ADAM12: variants seen among roughly 807,000 people sequenced by gnomAD.
ADAM12 encodes the protein ADAM metallopeptidase domain 12.
A neutral mutation model predicts 106.4 loss-of-function variants in ADAM12; 70 were observed. That is an observed-to-expected ratio of 0.66 (90% CI 0.54 to 0.80). ADAM12 has a LOEUF of 0.80. Among genes scored for constraint, ADAM12 ranks in the 30% least tolerant of loss-of-function variants. The pLI is 0.00. For missense variants in ADAM12, 1,010 were observed against 1,171.9 expected (o/e 0.86, Z 2.02); for synonymous variants, 420 against 433.5 (o/e 0.97, Z 0.39).
At chr10:126,134,284 G>C (rs886900278) in intron 5 of ADAM12, among the ~76,000 whole-genome samples, 1 of 152,196 alleles carries the variant, frequency 6.6e-6, no homozygotes, top group Admixed American at 6.5e-5. Context: ...TCAATGATTT[G>C]GGTCTGTGTC....
intron 3 of ADAM12, among the ~76,000 whole-genome samples, chr10:126,208,214 A>AT (rs1408250194): frequency 6.6e-6 from 1 of 152,184 alleles, no homozygotes; most frequent in East Asian, 1.9e-4. Context: ...GCGTAGGGTG[A>AT]TTTTGTGCCC....
At chr10:126,356,005 C>T (rs760736677) in intron 1 of ADAM12, among the ~76,000 whole-genome samples, 6 of 152,090 alleles carry the variant, frequency 3.9e-5, no homozygotes, top group African/African-American at 7.2e-5. Flanking sequence ...GAGCTCCCCA[C>T]GACTACACAT....
At chr10:126,273,265 T>C (rs1959189624) in intron 3 of ADAM12, 1 of 153,370 alleles carries the variant, frequency 6.5e-6, no homozygotes, top group South Asian at 2.1e-4. Context: ...AAACTCTGTC[T>C]GCCATTTGGT....
intron 3 of ADAM12, among the ~76,000 whole-genome samples, chr10:126,199,488 T>C (rs1303347545): frequency 6.6e-6 from 1 of 152,174 alleles, no homozygotes; most frequent in Non-Finnish European, 1.5e-5. Flanking sequence ...CTCCAGCTAA[T>C]GCGTTGGGAT....
intron 7 of ADAM12, 62 bp from the exon 8 acceptor site, chr10:126,108,726 T>C: frequency 6.9e-7 from 1 of 1,455,274 alleles, no homozygotes; most frequent in Non-Finnish European, 9.6e-7. Context: ...TTCATCTTCC[T>C]GGCTTCTGGA....
rs1953642036 is a variant in ADAM12 at position 126,015,209 on chromosome 10, CT to C, written c.*2069del. The C allele has an allele frequency of 6.6e-6, 1 of 152,166 alleles. No homozygotes were observed. The highest frequency in any genetic ancestry group is 2.4e-5 in the African/African-American group (1 of 41,436). The allele number at this position is 152,166 out of a possible 1,614,324, so 9.4% of individuals were successfully genotyped here. A position where few individuals can be genotyped will look rare whatever the true frequency, so the allele number is the denominator to read the frequency against. On this transcript the variant is annotated 3_prime_UTR_variant, in exon 23 of 23. Coordinates refer to ENST00000448723, the MANE Select transcript of ADAM12 (RefSeq NM_001288973.2). ...TAACCTCCTTTAATATCAAACTCTCCTGGCTCTCTGAAATAGAAGCATAGGA... is the reference window on the plus strand; with the variant it reads ...TAACCTCCTTTAATATCAAACTCTCCGGCTCTCTGAAATAGAAGCATAGGA...
chr10:126,306,897 A>G (rs1203500091), intron 2 of ADAM12, among the ~76,000 whole-genome samples: 1 of 152,192 alleles, frequency 6.6e-6, no homozygotes, highest in Non-Finnish European at 1.5e-5. Flanking sequence ...ATAATTAACT[A>G]TTAGTCATAA....
At position 126,388,402 on chromosome 10, in the gene ADAM12, C is replaced by G. The variant is rs540548555; in HGVS notation, c.-257G>C. 1 of 345,992 alleles carries G rather than the reference C, an allele frequency of 2.9e-6. No homozygotes were observed. Among genetic ancestry groups the G allele is most frequent in the East Asian group, 5.1e-5 (1 of 19,432 alleles). The allele number at this position is 345,992 out of a possible 1,614,324, so 21.4% of individuals were successfully genotyped here. A position where few individuals can be genotyped will look rare whatever the true frequency, so the allele number is the denominator to read the frequency against. On this transcript the variant is annotated 5_prime_UTR_variant, in exon 1 of 23. Transcript: ENST00000448723. The surrounding 1 kb of genome is among the most constrained non-coding windows in gnomAD (Gnocchi z 4.4). The stretch of plus-strand genomic sequence containing the variant: ...TGGCACAAGCCAGCCTTGACCGTTG[C>G]AATAAATGAGCAAACTGTCCGAGTT...
At chr10:126,153,926 T>G (rs1358953219) in intron 4 of ADAM12, among the ~76,000 whole-genome samples, 1 of 152,238 alleles carries the variant, frequency 6.6e-6, no homozygotes, top group Middle Eastern at 3.2e-3. Context: ...TGAGACTAAC[T>G]GGGGTTTCAA....
Position 126,324,721 on chromosome 10 carries a change from G to A in ADAM12, c.186+5691C>T, listed in dbSNP as rs117047234. On this transcript the variant is annotated intron_variant, in intron 2 of 22. Coordinates refer to ENST00000448723, the MANE Select transcript of ADAM12 (RefSeq NM_001288973.2). ...GGAAGATGACAACCTTATCTTCTAG[G>A]GACAATTAAATTAAGTGGGAGGCAG... is the stretch of plus-strand genomic sequence containing the variant. Among the ~76,000 whole-genome samples the A allele has an allele frequency of 9.6e-3, 1,466 of 152,134 alleles. 10 individuals are homozygous for A. The highest frequency in any genetic ancestry group is 0.016 in the Non-Finnish European group (1,066 of 68,002).
At chr10:126,221,322 G>A (rs1005266327) in intron 3 of ADAM12, among the ~76,000 whole-genome samples, 3 of 151,174 alleles carry the variant, frequency 2.0e-5, no homozygotes, top group Non-Finnish European at 4.4e-5. Flanking sequence ...AGGTGGAGGC[G>A]GAGGTTGCAG....
intron 4 of ADAM12, among the ~76,000 whole-genome samples, chr10:126,151,067 G>A (rs1676717): frequency 0.44 from 66,855 of 151,890 alleles, 15,308 homozygotes; most frequent in East Asian, 0.77. Context: ...TCTTAAGCAG[G>A]ATTTATATGC....
chr10:126,328,186 A>G (rs1854374051), intron 2 of ADAM12, among the ~76,000 whole-genome samples: 1 of 152,234 alleles, frequency 6.6e-6, no homozygotes, highest in Non-Finnish European at 1.5e-5. Flanking sequence ...CGTAAGTTGC[A>G]GGTGGCAGAA....
At chr10:126,121,131 C>CTATATATACTA (rs1554971961) in intron 5 of ADAM12, among the ~76,000 whole-genome samples, 13 of 81,374 alleles carry the variant, frequency 1.6e-4, no homozygotes, top group South Asian at 3.5e-4. Flanking sequence ...AGTATATATA[C>CTATATATACTA]TATATACTAT....
At chr10:126,190,879 C>G (rs1411669489) in intron 3 of ADAM12, among the ~76,000 whole-genome samples, 1 of 151,208 alleles carries the variant, frequency 6.6e-6, no homozygotes, top group Non-Finnish European at 1.5e-5. Flanking sequence ...GAGCACGCAG[C>G]AGGTGGGAGG....
Position 126,047,719 on chromosome 10 carries a change from G to A in ADAM12, c.1917+1534C>T, listed in dbSNP as rs1272346336. ...TGGAGTGTAAATTAGTTCAACCATT[G>A]TGGAAAACAGTGCAGTCGTTCCTCA... On this transcript the variant is annotated intron_variant, in intron 16 of 22. Transcript: ENST00000448723. Among the ~76,000 whole-genome samples, 3 of 152,174 alleles carry A rather than the reference G, an allele frequency of 2.0e-5. No individual in the cohort carries two copies. The East Asian group carries it at 5.8e-4, about 29-fold the overall frequency.
chr10:126,316,851 G>A (rs1187252260), intron 2 of ADAM12, among the ~76,000 whole-genome samples: 2 of 150,362 alleles, frequency 1.3e-5, no homozygotes, highest in Non-Finnish European at 2.9e-5. Flanking sequence ...CATTTTCCAA[G>A]TGGTATAATG....
chr10:126,231,297 C>T (rs1958305333), intron 3 of ADAM12, among the ~76,000 whole-genome samples: 3 of 151,380 alleles, frequency 2.0e-5, no homozygotes, highest in Admixed American at 1.3e-4. Context: ...ATTTGGCTTT[C>T]TTTTTCCAGG....
chr10:126,384,690 G>A (rs962430349), intron 1 of ADAM12, among the ~76,000 whole-genome samples: 4 of 152,138 alleles, frequency 2.6e-5, no homozygotes, highest in Non-Finnish European at 4.4e-5. Flanking sequence ...TAGAGGTTGC[G>A]TAAGGGATGG....
Sources: allele counts gnomAD v4.1 joint callset (sites outside exome capture counted in the v4.1 genomes callset), GRCh38; gene constraint gnomAD v4.1.1; non-coding constraint Gnocchi (gnomAD v3.1); transcripts MANE v1.5; gene names NCBI Gene and HGNC (gene_info 2026-07-23, HGNC 2026-07-21).